The following CA10 variants were observed in gnomAD, a reference collection of about 807,000 sequenced individuals.
The protein encoded by CA10 is carbonic anhydrase-related protein 10.
A neutral mutation model predicts 44.2 loss-of-function variants in CA10; 14 were observed. The observed-to-expected ratio is 0.32, with a 90% CI of 0.21 to 0.50. The LOEUF (loss-of-function observed/expected upper bound fraction) is 0.50, where lower values mean the gene tolerates loss of function less well. Among genes scored for constraint, CA10 ranks in the 20% least tolerant of loss-of-function variants. The pLI, the probability that CA10 is intolerant of heterozygous loss-of-function variation, is 0.99. For missense variants in CA10, 350 were observed against 409.7 expected (o/e 0.85, Z 1.26); for synonymous variants, 159 against 141.6 (o/e 1.12, Z -0.87).
At chr17:51,902,529 A>C (rs920142107) in intron 3 of CA10, among the ~76,000 whole-genome samples, 1 of 152,182 alleles carries the variant, frequency 6.6e-6, no homozygotes, top group Admixed American at 6.5e-5. Context: ...TGCCAAGGCC[A>C]CACAATGAGC....
intron 1 of CA10, among the ~76,000 whole-genome samples, chr17:52,125,681 GT>G (rs944683619): frequency 4.6e-5 from 7 of 152,060 alleles, no homozygotes; most frequent in African/African-American, 1.4e-4. Context: ...TATCCTTATA[GT>G]TTTTTTTCTT....
chr17:51,821,034 TCC>T (rs1907765797), intron 3 of CA10, among the ~76,000 whole-genome samples: 2 of 29,914 alleles, frequency 6.7e-5, no homozygotes, highest in Non-Finnish European at 1.3e-4. Context: ...CCTCCCTCCC[TCC>T]CTCCCTCCCT....
intron 1 of CA10, among the ~76,000 whole-genome samples, chr17:52,100,767 C>T (rs1156844382): frequency 6.6e-6 from 1 of 152,146 alleles, no homozygotes; most frequent in Non-Finnish European, 1.5e-5. Context: ...TATATCACCC[C>T]CATCAAGCCT....
chr17:51,862,817 A>T (rs62063221), intron 3 of CA10, among the ~76,000 whole-genome samples: 1 of 151,344 alleles, frequency 6.6e-6, no homozygotes, highest in Non-Finnish European at 1.5e-5. Context: ...TTGGGGAGAG[A>T]AGAGAACAAA....
At chr17:52,041,632 T>C (rs1986771317) in intron 2 of CA10, among the ~76,000 whole-genome samples, 2 of 152,094 alleles carry the variant, frequency 1.3e-5, no homozygotes, top group Non-Finnish European at 2.9e-5. Flanking sequence ...AAGTATACAA[T>C]ATGATATTAA....
intron 4 of CA10, among the ~76,000 whole-genome samples, chr17:51,739,582 C>A (rs552671069): frequency 3.9e-5 from 6 of 151,992 alleles, no homozygotes; most frequent in African/African-American, 1.5e-4. Context: ...ATGAGTTGAC[C>A]GCAGGAGGCT....
At chr17:51,863,116 C>T (rs1296227159) in intron 3 of CA10, among the ~76,000 whole-genome samples, 2 of 152,180 alleles carry the variant, frequency 1.3e-5, no homozygotes, top group African/African-American at 4.8e-5. Flanking sequence ...ACCACAATAA[C>T]TTCTCGATGA....
intron 6 of CA10, among the ~76,000 whole-genome samples, chr17:51,638,136 G>C (rs1170777762): frequency 6.6e-6 from 1 of 152,162 alleles, no homozygotes; most frequent in Non-Finnish European, 1.5e-5. Flanking sequence ...CTTTGCCAAG[G>C]GAACTTGAAT....
chr17:52,028,443 G>T (rs995280424), intron 2 of CA10, among the ~76,000 whole-genome samples: 44 of 152,084 alleles, frequency 2.9e-4, no homozygotes, highest in Admixed American at 1.6e-3. Context: ...TTCATGCTTT[G>T]TGGCATTTCA....
chr17:51,840,558 G>A (rs1978311588), intron 3 of CA10, among the ~76,000 whole-genome samples: 1 of 151,676 alleles, frequency 6.6e-6, no homozygotes, highest in Non-Finnish European at 1.5e-5. Flanking sequence ...AGAGTTGGTA[G>A]GTGATAGATA....
chr17:51,870,377 G>A (rs1167570915), intron 3 of CA10, among the ~76,000 whole-genome samples: 2 of 152,214 alleles, frequency 1.3e-5, no homozygotes, highest in East Asian at 3.9e-4. Context: ...AGTGACTTGA[G>A]CAAATGATTT....
At chr17:52,142,843 A>T (rs1446540717) in intron 1 of CA10, among the ~76,000 whole-genome samples, 6 of 152,226 alleles carry the variant, frequency 3.9e-5, no homozygotes, top group African/African-American at 1.4e-4. Flanking sequence ...TAAGAAGTTA[A>T]CTTACCCAAA....
chr17:51,759,449 AAATATTT>A (rs1905160505), intron 3 of CA10, among the ~76,000 whole-genome samples: 1 of 147,752 alleles, frequency 6.8e-6, no homozygotes, highest in African/African-American at 2.5e-5. Context: ...GTAATATATA[AAATATTT>A]AATATTTTAT....
intron 4 of CA10, among the ~76,000 whole-genome samples, chr17:51,701,590 G>C (rs1384578045): frequency 2.0e-5 from 3 of 152,080 alleles, no homozygotes; most frequent in African/African-American, 7.2e-5. Flanking sequence ...ACTCACAAAT[G>C]TCAGCTTCCT....
chr17:51,631,888 C>T (rs943424382), intron 8 of CA10, among the ~76,000 whole-genome samples: 2 of 152,136 alleles, frequency 1.3e-5, no homozygotes, highest in Non-Finnish European at 2.9e-5. Context: ...AGTCACCCAT[C>T]CAATGTTCAA....
At chr17:51,692,298 T>C (rs1437576000) in intron 4 of CA10, among the ~76,000 whole-genome samples, 1 of 151,296 alleles carries the variant, frequency 6.6e-6, no homozygotes, top group African/African-American at 2.4e-5. Flanking sequence ...CTTTTTCAGA[T>C]TGATCACTGT....
intron 2 of CA10, among the ~76,000 whole-genome samples, chr17:51,996,598 T>C (rs1985245436): frequency 6.6e-6 from 1 of 152,086 alleles, no homozygotes; most frequent in Non-Finnish European, 1.5e-5. Context: ...CACAAAACTT[T>C]CCTTAATTCC....
chr17:51,820,158 T>G lies in CA10; in HGVS notation c.280-72340A>C, dbSNP rs116020021. Among the ~76,000 whole-genome samples the G allele has an allele frequency of 3.4e-3, 506 of 150,118 alleles. 2 individuals carry two copies. The highest frequency in any genetic ancestry group is 0.012 in the African/African-American group (469 of 40,628). Reference sequence around the variant, plus strand: ...TGCCAGAATTTGAACCCAAGAAGTCTGACTCCAGAACATGAACCTGAGCGC... The same window carrying G: ...TGCCAGAATTTGAACCCAAGAAGTCGGACTCCAGAACATGAACCTGAGCGC... On this transcript the variant is annotated intron_variant, in intron 3 of 8. Transcript: ENST00000451037.
At chr17:52,049,951 T>TC (rs1987013624) in intron 2 of CA10, among the ~76,000 whole-genome samples, 1 of 152,072 alleles carries the variant, frequency 6.6e-6, no homozygotes, top group Non-Finnish European at 1.5e-5. Context: ...CCTACAGTAT[T>TC]CAGGACAGCG....
Sources: gnomAD v4.1 joint callset for allele counts (sites outside exome capture counted in the v4.1 genomes callset) on GRCh38, gnomAD v4.1.1 for gene constraint, MANE v1.5 for transcripts, NCBI Gene and HGNC (gene_info 2026-07-23, HGNC 2026-07-21) for gene names.